ARL17B: variants seen among roughly 807,000 people sequenced by gnomAD.
ARL17B encodes the protein ARF like GTPase 17B, also known as ADP-ribosylation factor-like protein 17.
chr17:46,298,772 C>A (rs1598098425), downstream of ARL17B, among the ~76,000 whole-genome samples: 2 of 82,804 alleles, frequency 2.4e-5, no homozygotes, highest in African/African-American at 8.3e-5. Flanking sequence ...AGAGAATAGG[C>A]ATAAAAAGGG....
At chr17:46,286,833 C>T (rs1469217943) in intron 4 of ARL17B, among the ~76,000 whole-genome samples, 1 of 152,226 alleles carries the variant, frequency 6.6e-6, no homozygotes, top group Admixed American at 6.5e-5. Flanking sequence ...AGTACAATTC[C>T]TCACTGCTGC....
chr17:46,278,249 G>A (rs1203083295), intron 4 of ARL17B, among the ~76,000 whole-genome samples: 2 of 152,126 alleles, frequency 1.3e-5, no homozygotes, highest in African/African-American at 4.8e-5. Context: ...CCCAGCCTGG[G>A]TAGCTTTCTT....
chr17:46,280,479 A>G (rs1391755394), intron 4 of ARL17B, among the ~76,000 whole-genome samples: 2 of 152,146 alleles, frequency 1.3e-5, no homozygotes, highest in Admixed American at 6.5e-5. Context: ...GTTCAAGACT[A>G]GCTTGGGTCA....
At chr17:46,340,435 C>T (rs1215639425) in intron 3 of ARL17B, among the ~76,000 whole-genome samples, 2 of 66,184 alleles carry the variant, frequency 3.0e-5, no homozygotes, top group African/African-American at 1.0e-4. Flanking sequence ...AGGCTGGTCT[C>T]GAACTCCTGA....
chr17:46,281,252 G>T (rs562482515), intron 4 of ARL17B, among the ~76,000 whole-genome samples: 3 of 152,118 alleles, frequency 2.0e-5, no homozygotes, highest in Non-Finnish European at 4.4e-5. Flanking sequence ...GAGTGCAGGG[G>T]CTTTAATTTA....
intron 4 of ARL17B, among the ~76,000 whole-genome samples, chr17:46,282,998 A>G (rs1250880186): frequency 2.0e-5 from 3 of 152,128 alleles, no homozygotes; most frequent in Non-Finnish European, 4.4e-5. Context: ...ACGTGCCTGT[A>G]GTCCCAACTA....
At chr17:46,357,242 T>C (rs939878406) in intron 2 of ARL17B, among the ~76,000 whole-genome samples, 2 of 95,050 alleles carry the variant, frequency 2.1e-5, no homozygotes, top group Non-Finnish European at 4.0e-5. Context: ...AACAGAACAG[T>C]AGTAATGTTC....
At chr17:46,285,286 G>A (rs1316356553) in intron 4 of ARL17B, among the ~76,000 whole-genome samples, 1 of 148,726 alleles carries the variant, frequency 6.7e-6, no homozygotes, top group Non-Finnish European at 1.5e-5. Flanking sequence ...TGTCACCCGA[G>A]CTGGAGTGCC....
chr17:46,306,162 A>G (rs2050555680), intron 3 of ARL17B: 1 of 209,184 alleles, frequency 4.8e-6, no homozygotes, highest in East Asian at 4.2e-5. Context: ...ATAAATTAGA[A>G]TCATGGCAAA....
At chr17:46,286,737 A>G (rs1331484484) in intron 4 of ARL17B, among the ~76,000 whole-genome samples, 4 of 152,260 alleles carry the variant, frequency 2.6e-5, no homozygotes, top group Admixed American at 2.0e-4. Flanking sequence ...TAAATAAGTA[A>G]CCAGTCAGAG....
chr17:46,317,184 C>T (rs1331483466), intron 3 of ARL17B, among the ~76,000 whole-genome samples: 1 of 77,042 alleles, frequency 1.3e-5, no homozygotes, highest in African/African-American at 3.3e-5. Flanking sequence ...CCCAGACGGG[C>T]ATGCCCAGTT....
intron 4 of ARL17B, among the ~76,000 whole-genome samples, chr17:46,290,337 G>C (rs569726410): frequency 6.6e-6 from 1 of 152,196 alleles, no homozygotes; most frequent in South Asian, 2.1e-4. Context: ...TGTTGCCCAG[G>C]CTGGTCTCAA....
chr17:46,291,893 G>T (rs1457271037), intron 4 of ARL17B, among the ~76,000 whole-genome samples: 4 of 151,272 alleles, frequency 2.6e-5, no homozygotes, highest in Admixed American at 6.6e-5. Context: ...CTGGGTAGGG[G>T]GAGGCTGCGA....
chr17:46,353,126 T>C (rs1770211139), intron 2 of ARL17B, among the ~76,000 whole-genome samples, 196 bp from the exon 3 acceptor site: 1 of 151,604 alleles, frequency 6.6e-6, no homozygotes, highest in Admixed American at 6.6e-5. Context: ...TACTCTCCAA[T>C]CTCTAGCCAC....
intron 4 of ARL17B, among the ~76,000 whole-genome samples, chr17:46,285,951 G>C (rs1419655355): frequency 6.6e-6 from 1 of 152,236 alleles, no homozygotes; most frequent in Non-Finnish European, 1.5e-5. Flanking sequence ...CTCTGTTAGT[G>C]GTGTGAGCAC....
intron 4 of ARL17B, among the ~76,000 whole-genome samples, chr17:46,276,537 T>C (rs1350060826): frequency 1.3e-5 from 2 of 152,164 alleles, no homozygotes; most frequent in Non-Finnish European, 2.9e-5. Context: ...AGAAAGAATA[T>C]GGATGGTATA....
chr17:46,291,689 GGAA>G (rs1462386760), intron 4 of ARL17B, among the ~76,000 whole-genome samples: 1 of 152,158 alleles, frequency 6.6e-6, no homozygotes, highest in Admixed American at 6.5e-5. Flanking sequence ...GGGAAGTCGA[GGAA>G]GGAGGATCAC....
chr17:46,278,150 T>C (rs62071625), intron 4 of ARL17B, among the ~76,000 whole-genome samples: 17,114 of 149,946 alleles, frequency 0.11, no homozygotes, highest in Non-Finnish European at 0.17. Context: ...TTTCACCATG[T>C]TGGCCAGCTG....
At position 46,304,584 on chromosome 17, in the gene ARL17B, C is replaced by T. The variant is rs1180947862; in HGVS notation, c.260-4919G>A. Among the ~76,000 whole-genome samples the T allele has an allele frequency of 5.2e-5, 4 of 76,574 alleles. 1 individual carries two copies. Among genetic ancestry groups the T allele is most frequent in the Admixed American group, 1.4e-4 (1 of 7,208 alleles). 50.2% of individuals were successfully genotyped at this position (76,574 alleles called of 152,430 possible). A position where few individuals can be genotyped will look rare whatever the true frequency, so the allele number is the denominator to read the frequency against. On this transcript the variant is annotated intron_variant, in intron 3 of 4. Coordinates refer to the ARL17B transcript ENST00000434041. ...TGGAGATATCAGCCAGACAACGTTA[C>T]ACCATCCAGGTAAAGAGGGAGGGAC...
Sources: gnomAD v4.1 joint callset for allele counts (sites outside exome capture counted in the v4.1 genomes callset) on GRCh38, gnomAD v4.1.1 for gene constraint, MANE v1.5 for transcripts, NCBI Gene and HGNC (gene_info 2026-07-23, HGNC 2026-07-21) for gene names.